PLAGL1: variants seen among roughly 807,000 people sequenced by gnomAD.
PLAGL1 encodes the protein PLAG1 like zinc finger 1, also known as zinc finger protein PLAGL1.
In PLAGL1, 1 loss-of-function variant was observed where a neutral mutation model predicts 4.6. The observed-to-expected ratio is 0.22, with a 90% CI of 0.08 to 1.03. The LOEUF (loss-of-function observed/expected upper bound fraction) is 1.03. Among genes scored for constraint, PLAGL1 ranks in the 50% least tolerant of loss-of-function variants. The pLI is 0.58. For missense variants in PLAGL1, 464 were observed against 570.4 expected, an observed-to-expected ratio of 0.81 and a Z score of 1.90; for synonymous variants, 240 against 237.8, an observed-to-expected ratio of 1.01 and a Z score of -0.08.
rs948725306 is a variant in PLAGL1, at chr6:144,048,503, T to G, written c.-151+15965A>C. On this transcript the variant is annotated intron_variant, in intron 1 of 3. Transcript: ENST00000437412. This position sits in a 1 kb window ranked among gnomAD's most constrained non-coding sequence, Gnocchi z 4.8. The stretch of plus-strand genomic sequence containing the variant: ...CTAGGCAGAGGTTCCCAAACCTTGA[T>G]TCTTGACTTCTGTGCACCCTCAGAC... Among the ~76,000 whole-genome samples the G allele has an allele frequency of 6.6e-6, 1 of 152,228 alleles. No individual in the cohort carries two copies. The highest frequency in any genetic ancestry group is 6.5e-5 in the Admixed American group (1 of 15,288).
rs1330796896 is a variant in PLAGL1, at chr6:144,053,611, AC to A, written c.-151+10856del. Among the ~76,000 whole-genome samples the A allele has an allele frequency of 2.6e-5, 4 of 152,344 alleles. No individual in the cohort carries two copies. In the East Asian group the frequency reaches 7.7e-4, roughly 29 times the overall value. On this transcript the variant is annotated intron_variant, in intron 1 of 3. Transcript: ENST00000437412. The surrounding 1 kb of genome is among the most constrained non-coding windows in gnomAD (Gnocchi z 4.0). ...TGGACAGTACAGACAATAAGTCCCT[AC>A]AGGACTTATTTGGATAAAAAGGAAA...
At chr6:143,992,265 T>A (rs1182025231) in intron 1 of PLAGL1, among the ~76,000 whole-genome samples, 4 of 152,206 alleles carry the variant, frequency 2.6e-5, no homozygotes, top group African/African-American at 9.7e-5. Flanking sequence ...TGAACCACAG[T>A]GGCTGAGAAG....
At position 143,949,061 on chromosome 6, in the gene PLAGL1, C is replaced by T. The variant is rs1240891547; in HGVS notation, c.-324-601G>A. ...TAGTCTAGTTGCACTGATGTGGTGG[C>T]ACAAAGCTGATAGCTCAGGAACCAG... On this transcript the variant is annotated intron_variant, in intron 6 of 7. Coordinates refer to ENST00000674357, the MANE Select transcript of PLAGL1 (RefSeq NM_001317162.2). The surrounding 1 kb of genome is among the most constrained non-coding windows in gnomAD (Gnocchi z 5.3). Among the ~76,000 whole-genome samples, 1 of 152,222 alleles carries T rather than the reference C, an allele frequency of 6.6e-6. No homozygotes were observed. The highest frequency in any genetic ancestry group is 1.5e-5 in the Non-Finnish European group (1 of 68,036).
intron 1 of PLAGL1, among the ~76,000 whole-genome samples, chr6:144,002,348 C>T: frequency 6.6e-6 from 1 of 152,136 alleles, no homozygotes; most frequent in Non-Finnish European, 1.5e-5. Context: ...GAGGTATTCT[C>T]CCCTTAAGAT....
Position 143,960,554 on chromosome 6 carries a change from G to C in PLAGL1, c.-398-12C>G, listed in dbSNP as rs1190466469. On this transcript the variant is annotated splice_polypyrimidine_tract_variant and intron_variant, in intron 5 of 7. Coordinates refer to ENST00000674357, the MANE Select transcript of PLAGL1 (RefSeq NM_001317162.2). This position sits in a 1 kb window ranked among gnomAD's most constrained non-coding sequence, Gnocchi z 5.7. ...CTGAAGATTCAAACCTGTGAGAAGA[G>C]ACCTTGTACATCGTCAGGGAATGAA... 6.6e-6 allele frequency: 1 copy of C among 152,200 alleles called. No individual in the cohort carries two copies. Among genetic ancestry groups the C allele is most frequent in the Non-Finnish European group, 1.5e-5 (1 of 68,048 alleles). 9.4% of individuals were successfully genotyped at this position (152,200 alleles called of 1,614,324 possible).
At chr6:144,025,205 A>G (rs913764407) in intron 1 of PLAGL1, among the ~76,000 whole-genome samples, 7 of 152,168 alleles carry the variant, frequency 4.6e-5, no homozygotes, top group South Asian at 2.1e-4. Context: ...ATAAGAAAAA[A>G]CATTAAACAC....
chr6:143,988,552 T>C (rs183937495), intron 1 of PLAGL1, among the ~76,000 whole-genome samples: 2 of 152,208 alleles, frequency 1.3e-5, no homozygotes, highest in Non-Finnish European at 2.9e-5. Context: ...GAAGATGATA[T>C]CCTTTATTGT....
At chr6:144,042,197 AT>A (rs1263797742) in intron 1 of PLAGL1, among the ~76,000 whole-genome samples, 1 of 152,080 alleles carries the variant, frequency 6.6e-6, no homozygotes, top group African/African-American at 2.4e-5. Context: ...CCATTTGTCT[AT>A]TTTGGCTTTT....
chr6:144,038,494 G>T (rs1459260251), intron 1 of PLAGL1, among the ~76,000 whole-genome samples: 1 of 152,142 alleles, frequency 6.6e-6, no homozygotes, highest in Non-Finnish European at 1.5e-5. Context: ...ATAGATTAAT[G>T]AATAGAATCA....
rs2128639237 is a variant in PLAGL1, at chr6:143,994,578, CTATTAT to C, written c.-583-9410_-583-9405del. Reference sequence around the variant, plus strand: ...GAAACTAATGGCATTATAAATACTACTATTATTCGCAAAAAAATGTATGGAAGATGA... The same window carrying C: ...GAAACTAATGGCATTATAAATACTACTCGCAAAAAAATGTATGGAAGATGA... On this transcript the variant is annotated intron_variant, in intron 1 of 7. Transcript: ENST00000674357. The surrounding 1 kb of genome is among the most constrained non-coding windows in gnomAD (Gnocchi z 4.3). Among the ~76,000 whole-genome samples, 1 of 152,294 alleles carries C rather than the reference CTATTAT, an allele frequency of 6.6e-6. No individual in the cohort carries two copies. Among genetic ancestry groups the C allele is most frequent in the East Asian group, 1.9e-4 (1 of 5,184 alleles).
rs1159864068 is a variant in PLAGL1 at position 144,048,395 on chromosome 6, T to C, written c.-151+16073A>G. On this transcript the variant is annotated intron_variant, in intron 1 of 3. Coordinates refer to the PLAGL1 transcript ENST00000437412. This position sits in a 1 kb window ranked among gnomAD's most constrained non-coding sequence, Gnocchi z 4.8. ...CCCACATTTTCCTCCTGGACTACGC[T>C]AGCAGAGGTTCTCCATGAGAGCTCC... is the stretch of plus-strand genomic sequence containing the variant. Among the ~76,000 whole-genome samples, 1 of 152,208 alleles carries C rather than the reference T, an allele frequency of 6.6e-6. No individual in the cohort carries two copies. Among genetic ancestry groups the C allele is most frequent in the Non-Finnish European group, 1.5e-5 (1 of 68,034 alleles).
chr6:144,031,578 T>C (rs1796835474), intron 1 of PLAGL1, among the ~76,000 whole-genome samples: 1 of 152,208 alleles, frequency 6.6e-6, no homozygotes, highest in African/African-American at 2.4e-5. Context: ...GGCTTGCAAA[T>C]TATCCCAGCA....
In PLAGL1 at chr6:143,994,138, A is replaced by C. The variant is rs1018052361; in HGVS notation, c.-583-8964T>G. 2.0e-5 allele frequency among the ~76,000 whole-genome samples: 3 copies of C among 152,214 alleles called. No homozygotes were observed. The East Asian group carries it at 5.8e-4, about 29-fold the overall frequency. ...TCAGGGCCTAATCAAGAAGCATTTT[A>C]CTCTCCAGGTTTTGAAGGATTTCAA... On this transcript the variant is annotated intron_variant, in intron 1 of 7. Coordinates refer to ENST00000674357, the MANE Select transcript of PLAGL1 (RefSeq NM_001317162.2). This position sits in a 1 kb window ranked among gnomAD's most constrained non-coding sequence, Gnocchi z 4.3.
At chr6:144,002,881 G>GA (rs1162267632) in intron 1 of PLAGL1, among the ~76,000 whole-genome samples, 91 of 62,060 alleles carry the variant, frequency 1.5e-3, no homozygotes, top group Non-Finnish European at 2.7e-3. Flanking sequence ...AATTCTGGTA[G>GA]GCTTTTTTTT....
chr6:144,027,246 A>AC lies in PLAGL1; in HGVS notation c.-151+37221_-151+37222insG, dbSNP rs759396541. The stretch of plus-strand genomic sequence containing the variant: ...CTCAAAGAACGAACGAAAGAAAGAA[A>AC]GAAAGAAAGAAAGAAAGAAAGAAAG... On this transcript the variant is annotated intron_variant, in intron 1 of 3. Transcript: ENST00000437412. This position sits in a 1 kb window ranked among gnomAD's most constrained non-coding sequence, Gnocchi z 5.8. 8.2e-6 allele frequency among the ~76,000 whole-genome samples: 1 copy of AC among 121,592 alleles called. No individual in the cohort carries two copies. Among genetic ancestry groups the AC allele is most frequent in the East Asian group, 2.2e-4 (1 of 4,616 alleles). The allele number at this position is 121,592 out of a possible 152,430, so 79.8% of individuals were successfully genotyped here. A position where few individuals can be genotyped will look rare whatever the true frequency, so the allele number is the denominator to read the frequency against.
intron 1 of PLAGL1, among the ~76,000 whole-genome samples, chr6:144,028,566 G>A (rs977304302): frequency 6.6e-6 from 1 of 152,192 alleles, no homozygotes; most frequent in Non-Finnish European, 1.5e-5. Flanking sequence ...TTTAGGGTAT[G>A]GCTGTAAAGT....
rs138373370 is a variant in PLAGL1, at chr6:144,045,000, CT to C, written c.-151+19467del. Among the ~76,000 whole-genome samples the C allele has an allele frequency of 7.6e-4, 36 of 47,334 alleles. 2 individuals are homozygous for C. The East Asian group carries it at 8.8e-3, about 12-fold the overall frequency. 31.1% of individuals were successfully genotyped at this position (47,334 alleles called of 152,430 possible). A position where few individuals can be genotyped will look rare whatever the true frequency, so the allele number is the denominator to read the frequency against. On this transcript the variant is annotated intron_variant, in intron 1 of 3. Coordinates refer to the PLAGL1 transcript ENST00000437412. ...TCAGAGACTAGGATTGCAACCCCTG[CT>C]TTTTTTTTTTTTTTTTTGGCTTTCC...
rs1251835635 is a variant in PLAGL1, at chr6:143,957,735, C to T, written c.-325+2734G>A. ...TGTGAGTGAAAATCACCGGAATGAC[C>T]TTGAAGGATCTGAGATCTAGAAAGG... On this transcript the variant is annotated intron_variant, in intron 6 of 7. Transcript: ENST00000674357. The surrounding 1 kb of genome is among the most constrained non-coding windows in gnomAD (Gnocchi z 4.2). Among the ~76,000 whole-genome samples, 2 of 152,174 alleles carry T rather than the reference C, an allele frequency of 1.3e-5. No homozygotes were observed. Among genetic ancestry groups the T allele is most frequent in the African/African-American group, 4.8e-5 (2 of 41,430 alleles).
intron 1 of PLAGL1, among the ~76,000 whole-genome samples, chr6:144,046,495 T>C (rs769461723): frequency 6.6e-6 from 1 of 152,208 alleles, no homozygotes; most frequent in Non-Finnish European, 1.5e-5. Flanking sequence ...AGACCCTGTT[T>C]GCCTGGGTGT....
Sources: allele counts gnomAD v4.1 joint callset (sites outside exome capture counted in the v4.1 genomes callset), GRCh38; gene constraint gnomAD v4.1.1; non-coding constraint Gnocchi (gnomAD v3.1); transcripts MANE v1.5; gene names NCBI Gene and HGNC (gene_info 2026-07-23, HGNC 2026-07-21).